The following SDCCAG8 variants were observed in gnomAD, a reference collection of about 807,000 sequenced individuals.
SDCCAG8 encodes SHH signaling and ciliogenesis regulator SDCCAG8, also known as serologically defined colon cancer antigen 8.
Under a neutral mutation model 101.8 loss-of-function variants are expected in SDCCAG8, and 74 were observed. The ratio of observed to expected loss-of-function variants is 0.73; its 90% CI spans 0.60 to 0.88. The LOEUF (loss-of-function observed/expected upper bound fraction) is 0.88. Among genes scored for constraint, SDCCAG8 ranks in the 40% least tolerant of loss-of-function variants. SDCCAG8 has a pLI of 0.00. For missense variants in SDCCAG8, 787 were observed against 822.6 expected, an observed-to-expected ratio of 0.96 and a Z score of 0.53; for synonymous variants, 281 against 292.9, an observed-to-expected ratio of 0.96 and a Z score of 0.41.
chr1:243,296,873 C>A (rs2070980474), intron 6 of SDCCAG8, among the ~76,000 whole-genome samples: 1 of 152,200 alleles, frequency 6.6e-6, no homozygotes, highest in Admixed American at 6.5e-5. Context: ...TTCCAGCCAT[C>A]AGTCCTCATT....
rs550031797 is a variant in SDCCAG8 at position 243,327,267 on chromosome 1, A to G, written c.1069-3273A>G. ...TATAGCATTCAGTTACTATAAAATT[A>G]TAATTTATAATTTTATAGAAATTAA... is the stretch of plus-strand genomic sequence containing the variant. On this transcript the variant is annotated intron_variant, in intron 9 of 17. Coordinates refer to ENST00000366541, the MANE Select transcript of SDCCAG8 (RefSeq NM_006642.5). Among the ~76,000 whole-genome samples, 21 of 149,556 alleles carry G rather than the reference A, an allele frequency of 1.4e-4. 1 individual carries two copies. Among genetic ancestry groups the G allele is most frequent in the African/African-American group, 5.2e-4 (21 of 40,634 alleles).
intron 13 of SDCCAG8, among the ~76,000 whole-genome samples, chr1:243,382,218 A>G (rs374848599): frequency 6.9e-4 from 105 of 152,270 alleles, no homozygotes; most frequent in African/African-American, 2.5e-3. Flanking sequence ...CATTTTAGGC[A>G]GGAGCGTCAA....
chr1:243,439,770 A>G (rs2082407631), intron 16 of SDCCAG8, among the ~76,000 whole-genome samples: 1 of 152,108 alleles, frequency 6.6e-6, no homozygotes, highest in Non-Finnish European at 1.5e-5. Flanking sequence ...CACATAGCTA[A>G]TATGTGGCAT....
rs79762798 is a variant in SDCCAG8 at position 243,344,238 on chromosome 1, G to C, written c.1380G>C (p.Gln460His). ...AGGTGTGTGGAGAAATGCGCTATCA[G>C]CTGAATAAAACCAACATGGAGAAGG... ...VTKVCGEMRY[Q>H]LNKTNMEKDE... The change falls in exon 12 of 18, where the codon CAG (glutamine) becomes CAC (histidine). Residue 460 changes from glutamine (Q) to histidine (H), a missense_variant. Transcript: ENST00000366541. 1.2e-4 allele frequency: 190 copies of C among 1,613,920 alleles called. No homozygotes were observed. In the African/African-American group the frequency reaches 2.3e-3, roughly 19 times the overall value.
At chr1:243,359,701 G>A (rs2076588234) in intron 12 of SDCCAG8, among the ~76,000 whole-genome samples, 1 of 152,130 alleles carries the variant, frequency 6.6e-6, no homozygotes, top group Non-Finnish European at 1.5e-5. Flanking sequence ...TGTGTGTCCG[G>A]TACTCGGCAC....
chr1:243,321,676 A>G (rs934444280), intron 9 of SDCCAG8, among the ~76,000 whole-genome samples: 2 of 152,154 alleles, frequency 1.3e-5, no homozygotes, highest in Non-Finnish European at 2.9e-5. Context: ...TTGAGATAGA[A>G]TCTTGTTCTG....
At chr1:243,452,282 C>A (rs1049715965) in intron 16 of SDCCAG8, among the ~76,000 whole-genome samples, 1 of 152,176 alleles carries the variant, frequency 6.6e-6, no homozygotes, top group Non-Finnish European at 1.5e-5. Flanking sequence ...CAGTAACAGG[C>A]TCAGCTGGGG....
intron 12 of SDCCAG8, among the ~76,000 whole-genome samples, chr1:243,349,024 CACAATTCTAAGAT>C (rs1213160564): frequency 5.4e-5 from 8 of 148,984 alleles, no homozygotes; most frequent in African/African-American, 2.0e-4. Context: ...AAAAAAAAAA[CACAATTCTAAGAT>C]ACAATTGCTA....
chr1:243,352,678 A>G (rs74666281), intron 12 of SDCCAG8, among the ~76,000 whole-genome samples: 20,111 of 152,284 alleles, frequency 0.13, 1,472 homozygotes, highest in Non-Finnish European at 0.17. Flanking sequence ...TACATTTAAA[A>G]AAATTTATTG....
intron 13 of SDCCAG8, among the ~76,000 whole-genome samples, chr1:243,404,900 C>T (rs57296950): frequency 0.047 from 7,018 of 150,514 alleles, 410 homozygotes; most frequent in African/African-American, 0.14. Flanking sequence ...GGAGTCTTAC[C>T]CTGTCGCCCA....
chr1:243,468,874 C>A (rs1304976958), intron 16 of SDCCAG8, among the ~76,000 whole-genome samples: 1 of 152,160 alleles, frequency 6.6e-6, no homozygotes, highest in Non-Finnish European at 1.5e-5. Flanking sequence ...GTTGACTGAG[C>A]TAACGTATGT....
In SDCCAG8 at chr1:243,460,353, G is replaced by A. The variant is rs556095337; in HGVS notation, c.1986-28661G>A. On this transcript the variant is annotated intron_variant, in intron 16 of 17. Coordinates refer to ENST00000366541, the MANE Select transcript of SDCCAG8 (RefSeq NM_006642.5). ...CTTTCTCTAGGAGGATCTCCGGGAG[G>A]ATTCTGGTGGCATGTTGGTCAGCCT... is the stretch of plus-strand genomic sequence containing the variant. Among the ~76,000 whole-genome samples the A allele has an allele frequency of 1.2e-4, 18 of 152,202 alleles. No individual in the cohort carries two copies. The South Asian group carries it at 3.5e-3, about 30-fold the overall frequency.
chr1:243,368,020 C>G (rs1370771136), intron 12 of SDCCAG8, among the ~76,000 whole-genome samples: 1 of 151,504 alleles, frequency 6.6e-6, no homozygotes, highest in African/African-American at 2.4e-5. Context: ...TCAAGACCAG[C>G]CTGGGCAACA....
At chr1:243,377,044 G>A (rs1026279259) in intron 12 of SDCCAG8, among the ~76,000 whole-genome samples, 1 of 152,046 alleles carries the variant, frequency 6.6e-6, no homozygotes, top group African/African-American at 2.4e-5. Context: ...ACTGAGGCAT[G>A]AATTTTCTCT....
In SDCCAG8 at chr1:243,399,304, T is replaced by C. The variant is rs574604511; in HGVS notation, c.1617-16398T>C. 9.2e-5 allele frequency among the ~76,000 whole-genome samples: 14 copies of C among 152,242 alleles called. No homozygotes were observed. In the South Asian group the frequency reaches 2.1e-3, roughly 23 times the overall value. ...CCCACATTATACTTCTTTGTTCTCA[T>C]TGATGATATGACTTGTCTGAGAAAC... On this transcript the variant is annotated intron_variant, in intron 13 of 17. Coordinates refer to ENST00000366541, the MANE Select transcript of SDCCAG8 (RefSeq NM_006642.5).
intron 10 of SDCCAG8, among the ~76,000 whole-genome samples, chr1:243,330,921 T>C (rs1017810248): frequency 2.0e-5 from 3 of 152,242 alleles, no homozygotes; most frequent in African/African-American, 7.2e-5. Context: ...TTAGATTCCA[T>C]ACAATGAAAT....
intron 1 of SDCCAG8, chr1:243,267,270 T>TGCCG: frequency 5.0e-6 from 1 of 200,328 alleles, no homozygotes; most frequent in Non-Finnish European, 9.9e-6. Flanking sequence ...ATATACATGA[T>TGCCG]AGGAATTCCA....
intron 16 of SDCCAG8, among the ~76,000 whole-genome samples, chr1:243,428,226 C>T (rs1475392654): frequency 2.0e-5 from 3 of 152,136 alleles, no homozygotes; most frequent in Non-Finnish European, 4.4e-5. Context: ...GAAAGACAAA[C>T]GTGCCGAATG....
chr1:243,322,014 AATG>A (rs1484307404), intron 9 of SDCCAG8, among the ~76,000 whole-genome samples: 1 of 152,190 alleles, frequency 6.6e-6, no homozygotes. Flanking sequence ...TTTTTGGTAT[AATG>A]ATATATATCC....
Sources: gnomAD v4.1 joint callset for allele counts (sites outside exome capture counted in the v4.1 genomes callset) on GRCh38, gnomAD v4.1.1 for gene constraint, MANE v1.5 for transcripts, NCBI Gene and HGNC (gene_info 2026-07-23, HGNC 2026-07-21) for gene names.